SELENOI: variants seen among roughly 807,000 people sequenced by gnomAD.
SELENOI encodes ethanolaminephosphotransferase 1.
Under a neutral mutation model 50.7 loss-of-function variants are expected in SELENOI, and 24 were observed. The ratio of observed to expected loss-of-function variants is 0.47; its 90% CI spans 0.34 to 0.67. The LOEUF is 0.67. Among genes scored for constraint, SELENOI ranks in the 30% least tolerant of loss-of-function variants. The pLI is 0.01. For missense variants in SELENOI, 352 were observed against 461.4 expected (o/e 0.76, Z 2.17); for synonymous variants, 155 against 170.2 (o/e 0.91, Z 0.70).
rs748739555 is a variant in SELENOI at position 26,346,412 on chromosome 2, C to T, written c.57+123C>T. 4 of 1,219,418 alleles carry T rather than the reference C, an allele frequency of 3.3e-6. No individual in the cohort carries two copies. The African/African-American group carries it at 6.4e-5, about 20-fold the overall frequency. The allele number at this position is 1,219,418 out of a possible 1,614,324, so 75.5% of individuals were successfully genotyped here. A position where few individuals can be genotyped will look rare whatever the true frequency, so the allele number is the denominator to read the frequency against. On this transcript the variant is annotated intron_variant, in intron 1 of 9. Transcript: ENST00000260585. ...GGCTCCGGGCGGGCTGGCGGGCGTT[C>T]CTCCGGAGGTCCTGCGGGTCCTGGG...
intron 3 of SELENOI, 70 bp from the exon 4 acceptor site, chr2:26,367,076 G>A: frequency 7.9e-7 from 1 of 1,270,954 alleles, no homozygotes; most frequent in Non-Finnish European, 1.1e-6. Flanking sequence ...ACTTCTCACT[G>A]TCAGTATATG....
intron 6 of SELENOI, among the ~76,000 whole-genome samples, chr2:26,379,012 C>T (rs1235969677): frequency 6.6e-6 from 1 of 152,164 alleles, no homozygotes; most frequent in Non-Finnish European, 1.5e-5. Context: ...CTGTGGCTCA[C>T]ACCTATAATA....
intron 1 of SELENOI, among the ~76,000 whole-genome samples, chr2:26,354,426 G>A (rs192407129): frequency 1.3e-5 from 2 of 152,066 alleles, no homozygotes; most frequent in African/African-American, 4.8e-5. Context: ...TCGCTCTGTC[G>A]CCCAGGCTGG....
chr2:26,350,117 AGT>A (rs1203798798), intron 1 of SELENOI, among the ~76,000 whole-genome samples: 1 of 150,360 alleles, frequency 6.7e-6, no homozygotes, highest in African/African-American at 2.5e-5. Context: ...AAAAAAAAAA[AGT>A]GTGTGTGTAT....
chr2:26,356,829 T>C (rs35204152), intron 1 of SELENOI, among the ~76,000 whole-genome samples: 59,999 of 151,866 alleles, frequency 0.4, 13,327 homozygotes, highest in Non-Finnish European at 0.51. Flanking sequence ...TATATCACCC[T>C]TCTTTATGAT....
chr2:26,382,247 A>G lies in SELENOI; in HGVS notation c.683-1052A>G, dbSNP rs61398592. On this transcript the variant is annotated intron_variant, in intron 6 of 9. Coordinates refer to ENST00000260585, the MANE Select transcript of SELENOI (RefSeq NM_033505.4). ...AGAGGGATTCTGAGAGAGAGAGAGTATAAGTACGGTGGGGCACCCAGGTAG... is the reference window on the plus strand; with the variant it reads ...AGAGGGATTCTGAGAGAGAGAGAGTGTAAGTACGGTGGGGCACCCAGGTAG... 5.4e-3 allele frequency among the ~76,000 whole-genome samples: 823 copies of G among 152,346 alleles called. 13 individuals are homozygous for G. The highest frequency in any genetic ancestry group is 0.053 in the East Asian group (275 of 5,186).
At chr2:26,364,749 A>G in intron 2 of SELENOI, 83 bp from the exon 3 acceptor site, 1 of 922,200 alleles carries the variant, frequency 1.1e-6, no homozygotes, top group Non-Finnish European at 1.6e-6. Flanking sequence ...AGCTTTTATT[A>G]TGACTTCAGT....
intron 3 of SELENOI, among the ~76,000 whole-genome samples, chr2:26,365,681 T>TTA (rs1490783537): frequency 1.3e-5 from 2 of 152,204 alleles, no homozygotes; most frequent in Non-Finnish European, 2.9e-5. Flanking sequence ...AGTGTTAGTG[T>TTA]TATAATTCAT....
intron 1 of SELENOI, among the ~76,000 whole-genome samples, chr2:26,357,000 CTCTT>C (rs1558411913): frequency 6.6e-6 from 1 of 152,262 alleles, no homozygotes; most frequent in South Asian, 2.1e-4. Context: ...CGTTTTCTCT[CTCTT>C]TTCCTTTTTA....
At chr2:26,381,932 G>T (rs1332832629) in intron 6 of SELENOI, among the ~76,000 whole-genome samples, 1 of 152,188 alleles carries the variant, frequency 6.6e-6, no homozygotes, top group Non-Finnish European at 1.5e-5. Flanking sequence ...CCAGGTGTCT[G>T]GAAGAGACAA....
rs184817644 is a variant in SELENOI at position 26,375,025 on chromosome 2, G to T, written c.574-15G>T. On this transcript the variant is annotated splice_polypyrimidine_tract_variant and intron_variant, in intron 5 of 9. Transcript: ENST00000260585. The stretch of plus-strand genomic sequence containing the variant: ...TTAATGCTTCTGTATGCTTTTGTCT[G>T]CATTTTCCTTCCAGACTATTTCTTT... 1.3e-6 allele frequency: 2 copies of T among 1,566,852 alleles called. No homozygotes were observed. Among genetic ancestry groups the T allele is most frequent in the Admixed American group, 1.7e-5 (1 of 59,430 alleles).
intron 1 of SELENOI, among the ~76,000 whole-genome samples, chr2:26,355,250 T>C (rs1677040888): frequency 6.6e-6 from 1 of 152,178 alleles, no homozygotes. Context: ...AGAGAAACTA[T>C]TTTCAGATAG....
chr2:26,379,313 A>AT (rs745416368), intron 6 of SELENOI, among the ~76,000 whole-genome samples: 109 of 152,028 alleles, frequency 7.2e-4, no homozygotes, highest in Non-Finnish European at 1.0e-3. Context: ...GCTTTTCCCT[A>AT]TTTTTTCTTT....
At chr2:26,386,586 C>A in intron 9 of SELENOI, 50 bp downstream of exon 9, 2 of 1,407,986 alleles carry the variant, frequency 1.4e-6, no homozygotes, top group South Asian at 1.6e-5. Flanking sequence ...ATAAATGGCA[C>A]CAATAAATGC....
rs1293008743 is a variant in SELENOI, at chr2:26,395,560, G to A, written c.*6457G>A. ...GAGAACTCTAACTGTTGCAGAAACAGAGCTTCATGGCTTGCTTAAATTACT... is the reference window on the plus strand; with the variant it reads ...GAGAACTCTAACTGTTGCAGAAACAAAGCTTCATGGCTTGCTTAAATTACT... On this transcript the variant is annotated 3_prime_UTR_variant, in exon 10 of 10. Transcript: ENST00000260585. The A allele has an allele frequency of 1.3e-5, 2 of 152,748 alleles. No individual in the cohort carries two copies. Among genetic ancestry groups the A allele is most frequent in the Non-Finnish European group, 2.9e-5 (2 of 68,056 alleles). 9.5% of individuals were successfully genotyped at this position (152,748 alleles called of 1,614,324 possible). A position where few individuals can be genotyped will look rare whatever the true frequency, so the allele number is the denominator to read the frequency against.
chr2:26,378,276 C>T (rs1677610405), intron 6 of SELENOI, among the ~76,000 whole-genome samples: 1 of 152,210 alleles, frequency 6.6e-6, no homozygotes, highest in African/African-American at 2.4e-5. Flanking sequence ...CTGCCTTCTT[C>T]AGCCCAGTCT....
intron 6 of SELENOI, among the ~76,000 whole-genome samples, chr2:26,375,901 G>A (rs1677557339): frequency 6.6e-6 from 1 of 152,048 alleles, no homozygotes; most frequent in Admixed American, 6.5e-5. Context: ...GAGCCCAGGG[G>A]TTTGAGACCA....
intron 7 of SELENOI, among the ~76,000 whole-genome samples, chr2:26,383,604 C>G (rs988984174): frequency 6.6e-6 from 1 of 152,082 alleles, no homozygotes; most frequent in Non-Finnish European, 1.5e-5. Flanking sequence ...TGAGGCCAGG[C>G]GCGGTGGCTC....
At position 26,386,355 on chromosome 2, in the gene SELENOI, G is replaced by A; in HGVS notation, c.914G>A (p.Cys305Tyr). The A allele has an allele frequency of 1.2e-6, 2 of 1,608,114 alleles. No homozygotes were observed. The highest frequency in any genetic ancestry group is 2.2e-5 in the East Asian group (1 of 44,852). ...TTATTTTTTTAAATTGACGTCCAGT[G>A]TCAGCTGATTGTTTGCCAAATGAGT... Reference protein sequence around the residue: ...MVGTAFANSTCQLIVCQMSST... With the variant: ...MVGTAFANSTYQLIVCQMSST... The change falls in exon 9 of 10, where the codon TGT (cysteine) becomes TAT (tyrosine). Residue 305 changes from cysteine to tyrosine, a missense_variant and splice_region_variant. Cys to Tyr is a radical substitution (Grantham distance 194). Transcript: ENST00000260585.
Sources: allele counts gnomAD v4.1 joint callset (sites outside exome capture counted in the v4.1 genomes callset), GRCh38; gene constraint gnomAD v4.1.1; transcripts MANE v1.5; gene names NCBI Gene and HGNC (gene_info 2026-07-23, HGNC 2026-07-21).